BTRC: variants seen among roughly 807,000 people sequenced by gnomAD.
BTRC encodes beta-transducin repeat containing E3 ubiquitin protein ligase.
In BTRC, 42 loss-of-function variants were observed where a neutral mutation model predicts 85.5. That is an observed-to-expected ratio of 0.49 (90% CI 0.38 to 0.64). The LOEUF (loss-of-function observed/expected upper bound fraction) is 0.64, where lower values mean the gene tolerates loss of function less well. Among genes scored for constraint, BTRC ranks in the 30% least tolerant of loss-of-function variants. BTRC has a pLI of 0.00. For missense variants in BTRC, 594 were observed against 743.5 expected (o/e 0.80, Z 2.34); for synonymous variants, 255 against 263.3 (o/e 0.97, Z 0.30).
chr10:101,532,797 TGCGCGCGCGC>T (rs5787439), intron 8 of BTRC, among the ~76,000 whole-genome samples, 145 bp from the exon 9 acceptor site: 4 of 141,174 alleles, frequency 2.8e-5, no homozygotes, highest in East Asian at 2.0e-4. Context: ...TGTGCGCGTG[TGCGCGCGCGC>T]GCGCTTAGCT....
At chr10:101,409,346 C>A (rs575151590) in intron 1 of BTRC, among the ~76,000 whole-genome samples, 1 of 152,252 alleles carries the variant, frequency 6.6e-6, no homozygotes, top group Non-Finnish European at 1.5e-5. Context: ...TTGTGTATGA[C>A]TTCTTTCACT....
intron 2 of BTRC, among the ~76,000 whole-genome samples, chr10:101,447,024 T>A (rs149784019): frequency 1.9e-4 from 29 of 151,996 alleles, no homozygotes; most frequent in African/African-American, 6.8e-4. Flanking sequence ...TACAAAGCAA[T>A]AGAAGCATGC....
At chr10:101,415,448 C>G (rs1454361850) in intron 1 of BTRC, among the ~76,000 whole-genome samples, 1 of 148,928 alleles carries the variant, frequency 6.7e-6, no homozygotes, top group East Asian at 2.0e-4. Context: ...AGCCACCACA[C>G]CCAGCCACCA....
At chr10:101,506,028 C>T (rs1946532145) in intron 4 of BTRC, among the ~76,000 whole-genome samples, 1 of 152,088 alleles carries the variant, frequency 6.6e-6, no homozygotes, top group African/African-American at 2.4e-5. Flanking sequence ...AATTCTCCTG[C>T]CTCAGCCTCC....
chr10:101,539,238 G>A (rs1430518754), intron 13 of BTRC, among the ~76,000 whole-genome samples: 1 of 152,166 alleles, frequency 6.6e-6, no homozygotes, highest in Non-Finnish European at 1.5e-5. Flanking sequence ...TATTTATCAT[G>A]TTGTTAGCCA....
At chr10:101,498,067 G>A (rs560488876) in intron 4 of BTRC, among the ~76,000 whole-genome samples, 1 of 152,238 alleles carries the variant, frequency 6.6e-6, no homozygotes, top group East Asian at 1.9e-4. Context: ...CATATACAGA[G>A]AGAGTGATTT....
chr10:101,389,342 GTTA>G (rs1943177902), intron 1 of BTRC, among the ~76,000 whole-genome samples: 2 of 151,572 alleles, frequency 1.3e-5, no homozygotes, highest in Non-Finnish European at 2.9e-5. Context: ...CTTACTTTGG[GTTA>G]TTATCATTTC....
At chr10:101,401,737 C>T (rs1449607577) in intron 1 of BTRC, among the ~76,000 whole-genome samples, 1 of 150,910 alleles carries the variant, frequency 6.6e-6, no homozygotes, top group South Asian at 2.1e-4. Context: ...CTTTCTGAGG[C>T]TGAGTCGGGA....
At chr10:101,434,716 C>T (rs1031744151) in intron 2 of BTRC, among the ~76,000 whole-genome samples, 1 of 151,828 alleles carries the variant, frequency 6.6e-6, no homozygotes, top group African/African-American at 2.4e-5. Flanking sequence ...ATTGCTTAAG[C>T]CCAGGAGTTC....
intron 13 of BTRC, among the ~76,000 whole-genome samples, chr10:101,538,905 G>A (rs1256802138): frequency 6.6e-6 from 1 of 152,064 alleles, no homozygotes; most frequent in Non-Finnish European, 1.5e-5. Flanking sequence ...AAAAAAATTA[G>A]CCAAGCATGG....
chr10:101,510,036 C>T (rs1946660043), intron 4 of BTRC, among the ~76,000 whole-genome samples: 1 of 151,822 alleles, frequency 6.6e-6, no homozygotes, highest in Admixed American at 6.6e-5. Context: ...CGTGGTGTTA[C>T]ATGTCTGTAA....
At chr10:101,371,848 T>C (rs1942644139) in intron 1 of BTRC, among the ~76,000 whole-genome samples, 1 of 151,986 alleles carries the variant, frequency 6.6e-6, no homozygotes, top group Non-Finnish European at 1.5e-5. Context: ...TTTTTCTTTC[T>C]CCATGCCAGA....
chr10:101,454,454 T>C (rs1945025156), intron 2 of BTRC, among the ~76,000 whole-genome samples: 1 of 152,130 alleles, frequency 6.6e-6, no homozygotes, highest in Non-Finnish European at 1.5e-5. Context: ...AATCTTGTGT[T>C]TATAATTGTT....
intron 3 of BTRC, among the ~76,000 whole-genome samples, chr10:101,476,963 G>A (rs1246071029): frequency 6.6e-6 from 1 of 151,856 alleles, no homozygotes; most frequent in Admixed American, 6.6e-5. Context: ...CTCTGGGGAT[G>A]GAAACCTAGC....
chr10:101,477,595 T>C (rs955683019), intron 3 of BTRC, among the ~76,000 whole-genome samples: 7 of 152,220 alleles, frequency 4.6e-5, no homozygotes, highest in Admixed American at 4.6e-4. Context: ...ATCACAGGCA[T>C]GAGCCACTGT....
intron 2 of BTRC, among the ~76,000 whole-genome samples, chr10:101,455,983 A>ACACACAC (rs1554881061): frequency 5.2e-5 from 5 of 95,988 alleles, no homozygotes; most frequent in Non-Finnish European, 7.9e-5. Context: ...CTCTACTAAA[A>ACACACAC]ACACACACAC....
chr10:101,550,559 GGT>G (rs2062633492), intron 13 of BTRC, 138 bp from the exon 14 acceptor site: 11 of 775,206 alleles, frequency 1.4e-5, no homozygotes, highest in Admixed American at 2.5e-5. Context: ...TGGGATTACA[GGT>G]GTGAGCCACT....
At chr10:101,502,948 C>T (rs974332933) in intron 4 of BTRC, among the ~76,000 whole-genome samples, 13 of 152,104 alleles carry the variant, frequency 8.5e-5, no homozygotes, top group African/African-American at 3.1e-4. Flanking sequence ...CTCATCACAA[C>T]TTATGCCCTT....
chr10:101,358,895 C>G (rs1222653234), intron 1 of BTRC, among the ~76,000 whole-genome samples: 3 of 152,088 alleles, frequency 2.0e-5, no homozygotes, highest in Non-Finnish European at 4.4e-5. Flanking sequence ...GGGTGGCGTG[C>G]ATAAACAAGG....
Sources: allele counts gnomAD v4.1 joint callset (sites outside exome capture counted in the v4.1 genomes callset), GRCh38; gene constraint gnomAD v4.1.1; transcripts MANE v1.5; gene names NCBI Gene and HGNC (gene_info 2026-07-23, HGNC 2026-07-21).